The following CCDC171 variants were observed in gnomAD, a reference collection of about 807,000 sequenced individuals.
CCDC171 encodes the protein coiled-coil domain-containing protein 171.
In CCDC171, 177 loss-of-function variants were observed where a neutral mutation model predicts 168.2. The ratio of observed to expected loss-of-function variants is 1.05; its 90% CI spans 0.93 to 1.19. CCDC171 has a LOEUF of 1.19. CCDC171 is among the 50% of genes most tolerant of loss of function. The pLI is 0.00. For missense variants in CCDC171, 1,991 were observed against 1,539.0 expected (o/e 1.29, Z -4.91); for synonymous variants, 687 against 540.8 (o/e 1.27, Z -3.75).
chr9:15,901,500 T>C (rs1258741475), intron 24 of CCDC171, among the ~76,000 whole-genome samples: 1 of 152,178 alleles, frequency 6.6e-6, no homozygotes, highest in Non-Finnish European at 1.5e-5. Flanking sequence ...GAACCTAAAA[T>C]TGCTCTAAAA....
chr9:15,791,936 C>A (rs374602193), intron 21 of CCDC171, among the ~76,000 whole-genome samples: 2 of 152,156 alleles, frequency 1.3e-5, no homozygotes, highest in Non-Finnish European at 2.9e-5. Flanking sequence ...TCCAGAGGAA[C>A]GCAGCTCCTC....
At chr9:15,564,524 A>G (rs1266952707) in intron 2 of CCDC171, among the ~76,000 whole-genome samples, 1 of 152,208 alleles carries the variant, frequency 6.6e-6, no homozygotes, top group Non-Finnish European at 1.5e-5. Flanking sequence ...CTACTGCTTA[A>G]GCATTCATTT....
intron 3 of CCDC171, among the ~76,000 whole-genome samples, chr9:16,016,833 C>A (rs375327479): frequency 6.6e-6 from 1 of 152,224 alleles, no homozygotes; most frequent in African/African-American, 2.4e-5. Flanking sequence ...TAGCAAATTA[C>A]TAAGCCATCT....
chr9:15,560,590 G>T (rs2039213950), intron 1 of CCDC171, among the ~76,000 whole-genome samples: 1 of 151,872 alleles, frequency 6.6e-6, no homozygotes, highest in African/African-American at 2.4e-5. Flanking sequence ...GGTCATTCAG[G>T]GATTTCTCTA....
intron 7 of CCDC171, among the ~76,000 whole-genome samples, chr9:15,642,096 G>A (rs780180526): frequency 1.3e-5 from 2 of 151,860 alleles, no homozygotes; most frequent in African/African-American, 4.8e-5. Flanking sequence ...ACCAGGAGGT[G>A]GTTGCAGTGA....
intron 24 of CCDC171, 29 bp downstream of exon 24, chr9:15,874,692 C>A: frequency 6.6e-7 from 1 of 1,507,396 alleles, no homozygotes; most frequent in Non-Finnish European, 8.9e-7. Flanking sequence ...TTGTTTGCTA[C>A]TGAGACATAT....
At chr9:15,862,629 A>G (rs1029323686) in intron 23 of CCDC171, among the ~76,000 whole-genome samples, 1 of 148,052 alleles carries the variant, frequency 6.8e-6, no homozygotes, top group Non-Finnish European at 1.5e-5. Flanking sequence ...TGCATTAAGG[A>G]GAAAAAAAAA....
chr9:15,616,927 C>G (rs559643817), intron 6 of CCDC171, among the ~76,000 whole-genome samples: 20 of 152,280 alleles, frequency 1.3e-4, no homozygotes, highest in Non-Finnish European at 1.9e-4. Context: ...ATTGGCTCAT[C>G]ATTCTGTATG....
chr9:15,914,400 G>A (rs994922414), intron 24 of CCDC171, among the ~76,000 whole-genome samples: 3 of 152,194 alleles, frequency 2.0e-5, no homozygotes, highest in Admixed American at 2.0e-4. Flanking sequence ...CTGAACTGCA[G>A]TGGGCTCTGT....
At chr9:15,802,890 C>T (rs2058895046) in intron 21 of CCDC171, among the ~76,000 whole-genome samples, 1 of 152,094 alleles carries the variant, frequency 6.6e-6, no homozygotes, top group Non-Finnish European at 1.5e-5. Flanking sequence ...AAAAATGTTC[C>T]TTTTTCTCAA....
chr9:15,704,516 T>A (rs1425263825), intron 11 of CCDC171, among the ~76,000 whole-genome samples: 5 of 152,198 alleles, frequency 3.3e-5, no homozygotes, highest in African/African-American at 1.2e-4. Context: ...CTAACCTCTA[T>A]TTCAGGAAAA....
chr9:15,614,480 T>C (rs2043941727), intron 6 of CCDC171, among the ~76,000 whole-genome samples: 1 of 152,226 alleles, frequency 6.6e-6, no homozygotes, highest in African/African-American at 2.4e-5. Flanking sequence ...GCTTTTTGGA[T>C]TACTGCAAGT....
intron 25 of CCDC171, among the ~76,000 whole-genome samples, chr9:15,923,866 A>G (rs905153569): frequency 2.6e-5 from 4 of 151,280 alleles, no homozygotes; most frequent in African/African-American, 9.7e-5. Flanking sequence ...CTTTTCTGTA[A>G]TTTCTCTACT....
intron 4 of CCDC171, among the ~76,000 whole-genome samples, chr9:15,590,682 A>T (rs2131439318): frequency 6.6e-6 from 1 of 152,306 alleles, no homozygotes. Context: ...GTCAATAGTC[A>T]AATATAAAAA....
At chr9:15,812,712 C>T (rs1012258296) in intron 21 of CCDC171, among the ~76,000 whole-genome samples, 1 of 152,136 alleles carries the variant, frequency 6.6e-6, no homozygotes, top group Non-Finnish European at 1.5e-5. Context: ...ATTTATCCTA[C>T]TGTCAGGATA....
At chr9:15,916,018 AT>A (rs1055753837) in intron 24 of CCDC171, among the ~76,000 whole-genome samples, 3 of 152,098 alleles carry the variant, frequency 2.0e-5, no homozygotes, top group Non-Finnish European at 4.4e-5. Context: ...ATTTGCTAGT[AT>A]TTTGTTGAGC....
chr9:16,023,251 C>G (rs1833210354), intron 6 of CCDC171, among the ~76,000 whole-genome samples: 1 of 152,080 alleles, frequency 6.6e-6, no homozygotes, highest in Non-Finnish European at 1.5e-5. Context: ...AAAACGTAAT[C>G]TCTGTGACTC....
At chr9:15,685,711 G>T (rs1475100219) in intron 10 of CCDC171, among the ~76,000 whole-genome samples, 4 of 152,030 alleles carry the variant, frequency 2.6e-5, no homozygotes, top group Non-Finnish European at 5.9e-5. Flanking sequence ...CTGTGTGAAT[G>T]AAGAGTGGAA....
In CCDC171 at chr9:15,591,353, C is replaced by T; in HGVS notation, c.353-13C>T. 6.5e-7 allele frequency: 1 copy of T among 1,531,302 alleles called. No homozygotes were observed. Among genetic ancestry groups the T allele is most frequent in the Non-Finnish European group, 8.9e-7 (1 of 1,127,230 alleles). The allele number at this position is 1,531,302 out of a possible 1,614,324, so 94.9% of individuals were successfully genotyped here. On this transcript the variant is annotated splice_polypyrimidine_tract_variant and intron_variant, in intron 4 of 25. Coordinates refer to ENST00000380701, the MANE Select transcript of CCDC171 (RefSeq NM_173550.4). ...CATGGTTGTAAATGTACCTATTATT[C>T]TATTCTTAATAGCACAGAATTCAGA...
Sources: allele counts gnomAD v4.1 joint callset (sites outside exome capture counted in the v4.1 genomes callset), GRCh38; gene constraint gnomAD v4.1.1; transcripts MANE v1.5; gene names NCBI Gene and HGNC (gene_info 2026-07-23, HGNC 2026-07-21).